TFCP2L1: variants seen among roughly 807,000 people sequenced by gnomAD.
TFCP2L1 encodes transcription factor CP2 like 1.
A neutral mutation model predicts 72.2 loss-of-function variants in TFCP2L1; 12 were observed. The ratio of observed to expected loss-of-function variants is 0.17; its 90% CI spans 0.11 to 0.27. The LOEUF (loss-of-function observed/expected upper bound fraction) is 0.27. TFCP2L1 is among the 10% of genes least tolerant of loss of function. The probability of loss-of-function intolerance (pLI) is 1.00; values close to 1 mark genes in which losing one functional copy is unlikely to be tolerated. For missense variants in TFCP2L1, 488 were observed against 624.6 expected, an observed-to-expected ratio of 0.78 and a Z score of 2.33; for synonymous variants, 260 against 251.0, an observed-to-expected ratio of 1.04 and a Z score of -0.34.
chr2:121,225,418 G>C (rs1686008490), intron 14 of TFCP2L1, 144 bp downstream of exon 14: 5 of 775,998 alleles, frequency 6.4e-6, no homozygotes, highest in Non-Finnish European at 1.1e-5. Flanking sequence ...CCATTTCTAG[G>C]GCTAGCTTTC....
intron 14 of TFCP2L1, among the ~76,000 whole-genome samples, chr2:121,224,848 G>A (rs553862959): frequency 1.5e-4 from 23 of 152,346 alleles, no homozygotes; most frequent in Admixed American, 1.4e-3. Context: ...AGCCGGGCCT[G>A]GTGGCGGGCG....
rs924414651 is a variant in TFCP2L1 at position 121,255,975 on chromosome 2, T to A, written c.215-6328A>T. 2.0e-5 allele frequency among the ~76,000 whole-genome samples: 3 copies of A among 152,102 alleles called. No individual in the cohort carries two copies. In the East Asian group the frequency reaches 5.8e-4, roughly 29 times the overall value. On this transcript the variant is annotated intron_variant, in intron 2 of 14. Transcript: ENST00000263707. ...GCCAGGATGGTCTCGATCTCCTACC[T>A]CGTGATCCACCCACCTCGGCCACCC...
rs1685955269 is a variant in TFCP2L1, at chr2:121,222,986, T to C, written c.*1355A>G. The C allele has an allele frequency of 6.6e-6, 1 of 152,246 alleles. No individual in the cohort carries two copies. Among genetic ancestry groups the C allele is most frequent in the South Asian group, 2.1e-4 (1 of 4,832 alleles). The allele number at this position is 152,246 out of a possible 1,614,324, so 9.4% of individuals were successfully genotyped here. On this transcript the variant is annotated 3_prime_UTR_variant, in exon 15 of 15. Transcript: ENST00000263707. ...ATATCGCTACCCTATCACTATGTGC[T>C]ACCATGCAGGTGACTTTGCCCCTCT...
chr2:121,225,556 C>A lies in TFCP2L1; in HGVS notation c.1393+6G>T. On this transcript the variant is annotated splice_donor_region_variant and intron_variant, in intron 14 of 14. Coordinates refer to ENST00000263707, the MANE Select transcript of TFCP2L1 (RefSeq NM_014553.3). ...CAACTACCCTAGGGGGAGGGGGAGG[C>A]TTCACCTTTAATTGTGCTGAGGACA... is the stretch of plus-strand genomic sequence containing the variant. 1 of 1,614,058 alleles carries A rather than the reference C, an allele frequency of 6.2e-7. No individual in the cohort carries two copies. Among genetic ancestry groups the A allele is most frequent in the Non-Finnish European group, 8.5e-7 (1 of 1,179,998 alleles).
rs563737082 is a variant in TFCP2L1 at position 121,241,732 on chromosome 2, T to C, written c.768+627A>G. ...CATGCACAGTTATTCACTGCACCAC[T>C]GTCTGAAACTCCAAGAGCCCAGAAA... On this transcript the variant is annotated intron_variant, in intron 7 of 14. Transcript: ENST00000263707. Among the ~76,000 whole-genome samples, 34 of 152,172 alleles carry C rather than the reference T, an allele frequency of 2.2e-4. No homozygotes were observed. In the South Asian group the frequency reaches 7.1e-3, roughly 32 times the overall value.
rs59300568 is a variant in TFCP2L1 at position 121,228,772 on chromosome 2, C to CAAAAAA, written c.1341+3048_1341+3053dup. ...GGTTACAGAGTGAAACCGTGACTCA[C>CAAAAAA]AAAAAAAAAAAAAAAAAAAAAAAAG... On this transcript the variant is annotated intron_variant, in intron 13 of 14. Transcript: ENST00000263707. Among the ~76,000 whole-genome samples, 224 of 58,126 alleles carry CAAAAAA rather than the reference C, an allele frequency of 3.9e-3. 7 individuals are homozygous for CAAAAAA. Among genetic ancestry groups the CAAAAAA allele is most frequent in the Non-Finnish European group, 4.6e-3 (164 of 35,624 alleles). The allele number at this position is 58,126 out of a possible 152,430, so 38.1% of individuals were successfully genotyped here. A position where few individuals can be genotyped will look rare whatever the true frequency, so the allele number is the denominator to read the frequency against.
intron 2 of TFCP2L1, among the ~76,000 whole-genome samples, chr2:121,274,413 G>A (rs1390390665): frequency 6.6e-6 from 1 of 152,060 alleles, no homozygotes; most frequent in Non-Finnish European, 1.5e-5. Flanking sequence ...CTTTTCTGAT[G>A]ACTCGATGTA....
chr2:121,264,636 G>T (rs1686893673), intron 2 of TFCP2L1, among the ~76,000 whole-genome samples: 1 of 152,186 alleles, frequency 6.6e-6, no homozygotes, highest in South Asian at 2.1e-4. Flanking sequence ...GATGCTGGTG[G>T]GCAGAGCTTG....
At chr2:121,269,648 C>T (rs1403991982) in intron 2 of TFCP2L1, among the ~76,000 whole-genome samples, 1 of 151,662 alleles carries the variant, frequency 6.6e-6, no homozygotes, top group Non-Finnish European at 1.5e-5. Flanking sequence ...CCTGGTGGCT[C>T]ATGCCTGTAA....
intron 2 of TFCP2L1, among the ~76,000 whole-genome samples, chr2:121,280,769 G>GAAAAAAAA (rs557121688): frequency 8.4e-5 from 2 of 23,938 alleles, no homozygotes; most frequent in South Asian, 1.7e-3. Flanking sequence ...CTCAAAAAAG[G>GAAAAAAAA]AAAAAAAAAA....
At chr2:121,234,766 A>T (rs1402799374) in intron 11 of TFCP2L1, among the ~76,000 whole-genome samples, 1 of 152,252 alleles carries the variant, frequency 6.6e-6, no homozygotes, top group Non-Finnish European at 1.5e-5. Context: ...ACGGCTGCAG[A>T]ACGTCTCTGC....
intron 2 of TFCP2L1, among the ~76,000 whole-genome samples, chr2:121,278,823 GA>G (rs1287799624): frequency 6.6e-6 from 1 of 152,010 alleles, no homozygotes; most frequent in Non-Finnish European, 1.5e-5. Context: ...GGCCAACATG[GA>G]GAAACACCAT....
intron 2 of TFCP2L1, among the ~76,000 whole-genome samples, chr2:121,277,467 T>C (rs1450968879): frequency 1.3e-5 from 2 of 152,242 alleles, no homozygotes; most frequent in African/African-American, 2.4e-5. Context: ...TGCATTCTTC[T>C]GAGAAAGCAA....
At chr2:121,275,915 A>T (rs1687138057) in intron 2 of TFCP2L1, among the ~76,000 whole-genome samples, 1 of 152,230 alleles carries the variant, frequency 6.6e-6, no homozygotes, top group Admixed American at 6.5e-5. Context: ...AGAATAAATT[A>T]TTGGGAACGG....
chr2:121,235,056 C>T (rs1558728916), intron 11 of TFCP2L1, among the ~76,000 whole-genome samples, 165 bp downstream of exon 11: 1 of 152,220 alleles, frequency 6.6e-6, no homozygotes, highest in Non-Finnish European at 1.5e-5. Context: ...CTGCTGTGGC[C>T]CGTGCCCCTC....
At chr2:121,281,994 G>A (rs932880680) in intron 1 of TFCP2L1, among the ~76,000 whole-genome samples, 1 of 151,960 alleles carries the variant, frequency 6.6e-6, no homozygotes, top group Non-Finnish European at 1.5e-5. Flanking sequence ...TGCAAGTGGC[G>A]TGATCTCGGC....
intron 6 of TFCP2L1, among the ~76,000 whole-genome samples, chr2:121,244,337 G>A (rs1250691509): frequency 6.6e-6 from 1 of 152,252 alleles, no homozygotes; most frequent in Non-Finnish European, 1.5e-5. Context: ...CAGTAACTGG[G>A]GTGACCGGCG....
Position 121,239,541 on chromosome 2 carries a change from AGAGAGGT to A in TFCP2L1, c.860+10_860+16del, listed in dbSNP as rs771693593. 2 of 1,613,768 alleles carry A rather than the reference AGAGAGGT, an allele frequency of 1.2e-6. No homozygotes were observed. Among genetic ancestry groups the A allele is most frequent in the Admixed American group, 3.3e-5 (2 of 60,016 alleles). On this transcript the variant is annotated intron_variant, in intron 8 of 14. Transcript: ENST00000263707. ...CCTTCATTTCAGGGAACCCGAAGAA[AGAGAGGT>A]GGGACGTACCCTTCGCCGAGGCCAA... is the stretch of plus-strand genomic sequence containing the variant.
intron 2 of TFCP2L1, among the ~76,000 whole-genome samples, chr2:121,255,663 T>C (rs1407074020): frequency 6.6e-6 from 1 of 152,154 alleles, no homozygotes; most frequent in African/African-American, 2.4e-5. Flanking sequence ...GCTGGACTAC[T>C]GCACCCAATG....
Sources: allele counts gnomAD v4.1 joint callset (sites outside exome capture counted in the v4.1 genomes callset), GRCh38; gene constraint gnomAD v4.1.1; transcripts MANE v1.5; gene names NCBI Gene and HGNC (gene_info 2026-07-23, HGNC 2026-07-21).